Variants in OTUD7A observed in about 807,000 individuals in gnomAD.
OTUD7A encodes the protein OTU domain-containing protein 7A.
OTUD7A carries 12 observed loss-of-function variants against 65.7 expected under a neutral mutation model. That is an observed-to-expected ratio of 0.18 (90% confidence interval 0.12 to 0.30). OTUD7A has a LOEUF of 0.30. Among genes scored for constraint, OTUD7A ranks in the 10% least tolerant of loss-of-function variants. OTUD7A has a pLI of 1.00. For synonymous variants in OTUD7A, 641 were observed against 586.3 expected, an observed-to-expected ratio of 1.09 and a Z score of -1.35; for missense variants, 1,148 against 1,304.8, an observed-to-expected ratio of 0.88 and a Z score of 1.85.
intron 3 of OTUD7A, among the ~76,000 whole-genome samples, chr15:31,647,839 A>G (rs1891722064): frequency 2.0e-5 from 3 of 151,824 alleles, no homozygotes; most frequent in South Asian, 2.1e-4. Context: ...TTCATGATCC[A>G]TCGTGGAGGG....
intron 1 of OTUD7A, among the ~76,000 whole-genome samples, chr15:31,682,023 G>C (rs1892674542): frequency 6.6e-6 from 1 of 152,152 alleles, no homozygotes; most frequent in South Asian, 2.1e-4. Flanking sequence ...GAGAGTGAGA[G>C]AGGCTCTGAG....
At chr15:31,763,674 A>G (rs1895030446) in intron 1 of OTUD7A, among the ~76,000 whole-genome samples, 1 of 152,140 alleles carries the variant, frequency 6.6e-6, no homozygotes, top group Non-Finnish European at 1.5e-5. Context: ...AAATTTATAG[A>G]TTTAAGACAC....
At chr15:31,503,027 C>T (rs939056629) in intron 9 of OTUD7A, among the ~76,000 whole-genome samples, 3 of 152,210 alleles carry the variant, frequency 2.0e-5, no homozygotes, top group African/African-American at 2.4e-5. Flanking sequence ...GGAGGACAGG[C>T]TTTGGATCAC....
intron 3 of OTUD7A, among the ~76,000 whole-genome samples, chr15:31,633,402 A>T (rs1891239649): frequency 6.6e-6 from 1 of 152,112 alleles, no homozygotes; most frequent in African/African-American, 2.4e-5. Context: ...CTTTCAGATG[A>T]TCCTCTGCAG....
chr15:31,496,349 G>A (rs111646765), intron 10 of OTUD7A, among the ~76,000 whole-genome samples: 10,901 of 151,678 alleles, frequency 0.072, 1,322 homozygotes, highest in African/African-American at 0.25. Context: ...AGCCTCCTGC[G>A]TAGCTGGGAC....
chr15:31,597,441 A>G (rs1440280327), intron 3 of OTUD7A, among the ~76,000 whole-genome samples: 1 of 149,186 alleles, frequency 6.7e-6, no homozygotes, highest in African/African-American at 2.5e-5. Context: ...AGTAATTCGT[A>G]TGCATGGTAG....
chr15:31,701,130 G>A (rs1481239138), intron 1 of OTUD7A, among the ~76,000 whole-genome samples: 3 of 152,164 alleles, frequency 2.0e-5, no homozygotes, highest in African/African-American at 4.8e-5. Context: ...GATTAAAAGC[G>A]ACTAATGAGA....
At chr15:31,586,183 AG>A (rs1053012086) in intron 3 of OTUD7A, among the ~76,000 whole-genome samples, 1 of 152,214 alleles carries the variant, frequency 6.6e-6, no homozygotes, top group African/African-American at 2.4e-5. Context: ...TGACCAAAGA[AG>A]GGAAATGCAG....
At chr15:31,751,395 T>C (rs1222058661) in intron 1 of OTUD7A, among the ~76,000 whole-genome samples, 1 of 152,066 alleles carries the variant, frequency 6.6e-6, no homozygotes, top group Admixed American at 6.5e-5. Flanking sequence ...AGAATGGCCA[T>C]TATTAAAAAT....
chr15:31,513,496 C>T (rs1400753507), intron 8 of OTUD7A, among the ~76,000 whole-genome samples: 9 of 152,210 alleles, frequency 5.9e-5, no homozygotes, highest in South Asian at 4.1e-4. Flanking sequence ...TCAGCGGTGG[C>T]GTCTCCTTAG....
chr15:31,628,037 T>G (rs1324163819), intron 3 of OTUD7A, among the ~76,000 whole-genome samples: 6 of 152,222 alleles, frequency 3.9e-5, no homozygotes, highest in Non-Finnish European at 5.9e-5. Flanking sequence ...TCCCATTTTG[T>G]AGGCTGCCTG....
intron 3 of OTUD7A, among the ~76,000 whole-genome samples, chr15:31,612,656 A>G (rs1890463906): frequency 6.6e-6 from 1 of 152,238 alleles, no homozygotes; most frequent in Non-Finnish European, 1.5e-5. Context: ...GACACAAACA[A>G]ATGGAAACAC....
At chr15:31,756,357 C>T (rs1894810993) in intron 1 of OTUD7A, among the ~76,000 whole-genome samples, 1 of 152,174 alleles carries the variant, frequency 6.6e-6, no homozygotes, top group Non-Finnish European at 1.5e-5. Context: ...ATAATGTAGA[C>T]ATTAAAGAAA....
chr15:31,704,805 A>C (rs1893291297), intron 1 of OTUD7A, among the ~76,000 whole-genome samples: 1 of 152,192 alleles, frequency 6.6e-6, no homozygotes, highest in African/African-American at 2.4e-5. Context: ...AATATTCTGT[A>C]ACATTGACAT....
intron 3 of OTUD7A, among the ~76,000 whole-genome samples, chr15:31,579,989 C>T (rs1889324893): frequency 6.6e-6 from 1 of 152,184 alleles, no homozygotes; most frequent in African/African-American, 2.4e-5. Flanking sequence ...GTACAGATTC[C>T]ACCAGGATAT....
chr15:31,609,034 T>A (rs1332664834), intron 3 of OTUD7A, among the ~76,000 whole-genome samples: 1 of 151,888 alleles, frequency 6.6e-6, no homozygotes, highest in Admixed American at 6.6e-5. Context: ...TGGAGCAGAG[T>A]CAATTTAGAG....
At chr15:31,624,948 C>A (rs1469415518) in intron 3 of OTUD7A, among the ~76,000 whole-genome samples, 1 of 152,164 alleles carries the variant, frequency 6.6e-6, no homozygotes, top group Non-Finnish European at 1.5e-5. Context: ...CCACTTTGTA[C>A]TAGGGTTAGT....
chr15:31,756,123 T>G (rs1018593800), intron 1 of OTUD7A, among the ~76,000 whole-genome samples: 1 of 152,232 alleles, frequency 6.6e-6, no homozygotes, highest in Non-Finnish European at 1.5e-5. Flanking sequence ...CCAGTAACAC[T>G]TCAGCGCCTG....
intron 5 of OTUD7A, among the ~76,000 whole-genome samples, chr15:31,535,612 C>T (rs1887768444): frequency 6.6e-6 from 1 of 151,494 alleles, no homozygotes; most frequent in South Asian, 2.1e-4. Flanking sequence ...TAGTTGCTAA[C>T]ACATCTGGGA....
Sources: gnomAD v4.1 joint callset for allele counts (sites outside exome capture counted in the v4.1 genomes callset) on GRCh38, gnomAD v4.1.1 for gene constraint, MANE v1.5 for transcripts, NCBI Gene and HGNC (gene_info 2026-07-23, HGNC 2026-07-21) for gene names.